The following ELAPOR2 variants were observed in gnomAD, a reference collection of about 807,000 sequenced individuals.
ELAPOR2 encodes the protein endosome/lysosome-associated apoptosis and autophagy regulator family member 2.
ELAPOR2 carries 89 observed loss-of-function variants against 120.7 expected under a neutral mutation model. The observed-to-expected ratio is 0.74, with a 90% confidence interval of 0.62 to 0.88. ELAPOR2 has a LOEUF of 0.88. Among genes scored for constraint, ELAPOR2 ranks in the 40% least tolerant of loss-of-function variants. ELAPOR2 has a pLI of 0.00. For synonymous variants in ELAPOR2, 444 were observed against 444.9 expected (o/e 1.00, Z 0.03); for missense variants, 1,134 against 1,251.6 (o/e 0.91, Z 1.42).
rs557839281 is a variant in ELAPOR2, at chr7:87,000,156, G to T, written c.190-35132C>A. Among the ~76,000 whole-genome samples, 9 of 151,854 alleles carry T rather than the reference G, an allele frequency of 5.9e-5. No individual in the cohort carries two copies. The East Asian group carries it at 1.7e-3, about 29-fold the overall frequency. Reference sequence around the variant, plus strand: ...TTTGTGAAACTATCCTGGTTAATACGCATCATTCCTCTTTCTTAGGAAAGG... The same window carrying T: ...TTTGTGAAACTATCCTGGTTAATACTCATCATTCCTCTTTCTTAGGAAAGG... On this transcript the variant is annotated intron_variant, in intron 1 of 21. Transcript: ENST00000450689.
chr7:86,993,216 C>G (rs1200151006), intron 1 of ELAPOR2, among the ~76,000 whole-genome samples: 1 of 117,340 alleles, frequency 8.5e-6, no homozygotes, highest in Non-Finnish European at 1.6e-5. Flanking sequence ...AGCCTGATGA[C>G]AGAGCGAGAC....
chr7:86,972,940 ACT>A (rs1321785136), intron 1 of ELAPOR2, among the ~76,000 whole-genome samples: 1 of 152,026 alleles, frequency 6.6e-6, no homozygotes, highest in Non-Finnish European at 1.5e-5. Flanking sequence ...CATTTGCATA[ACT>A]CTGTAAGCTT....
intron 1 of ELAPOR2, among the ~76,000 whole-genome samples, chr7:86,973,502 A>G (rs1217940617): frequency 2.0e-5 from 3 of 152,140 alleles, no homozygotes; most frequent in Non-Finnish European, 4.4e-5. Flanking sequence ...TGCAGGACCA[A>G]GGCCAGGAGC....
At chr7:87,046,539 A>C (rs1043135943) in intron 1 of ELAPOR2, among the ~76,000 whole-genome samples, 1 of 152,212 alleles carries the variant, frequency 6.6e-6, no homozygotes, top group Non-Finnish European at 1.5e-5. Context: ...CTCATTTCAA[A>C]TTATAATCCC....
At chr7:87,025,755 A>G (rs768154443) in intron 1 of ELAPOR2, among the ~76,000 whole-genome samples, 3 of 152,196 alleles carry the variant, frequency 2.0e-5, no homozygotes, top group Non-Finnish European at 2.9e-5. Context: ...AAATAATTTT[A>G]CTAAATTTAA....
chr7:86,965,053 G>C, intron 1 of ELAPOR2, 29 bp from the exon 2 acceptor site: 1 of 1,551,010 alleles, frequency 6.4e-7, no homozygotes, highest in Non-Finnish European at 8.7e-7. Context: ...ACAAGCCTTT[G>C]TTAGAGCCAG....
chr7:86,891,706 T>A lies in ELAPOR2; in HGVS notation c.3030+18A>T, dbSNP rs779311959. 1.9e-6 allele frequency: 3 copies of A among 1,600,304 alleles called. No homozygotes were observed. In the South Asian group the frequency reaches 3.4e-5, roughly 18 times the overall value. On this transcript the variant is annotated intron_variant, in intron 21 of 21. Transcript: ENST00000450689. ...TTTATAAACACCCAGTAACACCAGG[T>A]TAAAATTCTACTCTCACCTTGGTTG... is the stretch of plus-strand genomic sequence containing the variant.
At chr7:86,913,737 C>T (rs1237886823) in intron 13 of ELAPOR2, among the ~76,000 whole-genome samples, 1 of 152,170 alleles carries the variant, frequency 6.6e-6, no homozygotes, top group African/African-American at 2.4e-5. Flanking sequence ...CCAGTCCTTT[C>T]CCTAATCAAC....
chr7:86,997,540 T>A (rs1057269819), intron 1 of ELAPOR2, among the ~76,000 whole-genome samples: 3 of 152,168 alleles, frequency 2.0e-5, no homozygotes, highest in African/African-American at 7.2e-5. Context: ...TTTAAAAAAA[T>A]TTAGGCAGAA....
intron 1 of ELAPOR2, among the ~76,000 whole-genome samples, chr7:87,041,312 C>T (rs1168968873): frequency 6.6e-6 from 1 of 151,974 alleles, no homozygotes; most frequent in Non-Finnish European, 1.5e-5. Context: ...ACATAATTGT[C>T]AGATTCACCA....
chr7:86,982,814 A>G (rs1165678678), intron 1 of ELAPOR2, among the ~76,000 whole-genome samples: 1 of 152,230 alleles, frequency 6.6e-6, no homozygotes, highest in Non-Finnish European at 1.5e-5. Flanking sequence ...CAGCAACAGA[A>G]TAAATCTGGA....
chr7:87,043,866 G>T (rs867871210), intron 1 of ELAPOR2, among the ~76,000 whole-genome samples: 11 of 151,936 alleles, frequency 7.2e-5, no homozygotes, highest in South Asian at 2.1e-4. Context: ...AAACCCCATT[G>T]TCTCAGCCCA....
chr7:86,942,814 T>C (rs1311943749), intron 4 of ELAPOR2, among the ~76,000 whole-genome samples: 1 of 152,006 alleles, frequency 6.6e-6, no homozygotes, highest in South Asian at 2.1e-4. Flanking sequence ...CTTTCCAATA[T>C]TGCAAAACAG....
intron 1 of ELAPOR2, among the ~76,000 whole-genome samples, chr7:86,988,396 A>C (rs1402358199): frequency 6.6e-6 from 1 of 152,230 alleles, no homozygotes; most frequent in Non-Finnish European, 1.5e-5. Context: ...AAAAAATGCA[A>C]ATAAATAAAT....
At chr7:87,020,141 G>GTATATTTTT (rs1452091542) in intron 1 of ELAPOR2, among the ~76,000 whole-genome samples, 5 of 152,010 alleles carry the variant, frequency 3.3e-5, no homozygotes, top group African/African-American at 1.2e-4. Context: ...ACACAGCTAT[G>GTATATTTTT]GGTTTTAATA....
chr7:86,990,972 T>C (rs1446591137), intron 1 of ELAPOR2, among the ~76,000 whole-genome samples: 2 of 152,224 alleles, frequency 1.3e-5, no homozygotes, highest in East Asian at 3.8e-4. Flanking sequence ...GTTGTTCCTT[T>C]AATCTATATG....
At chr7:86,941,824 T>C (rs946448082) in intron 5 of ELAPOR2, among the ~76,000 whole-genome samples, 194 bp downstream of exon 5, 9 of 151,798 alleles carry the variant, frequency 5.9e-5, no homozygotes, top group African/African-American at 1.9e-4. Flanking sequence ...GAAAGCTGAG[T>C]CCATGAAGCT....
chr7:87,020,554 C>T (rs1794005904), intron 1 of ELAPOR2, among the ~76,000 whole-genome samples: 1 of 151,932 alleles, frequency 6.6e-6, no homozygotes, highest in African/African-American at 2.4e-5. Flanking sequence ...TTATATGTAA[C>T]GTCCAGAATA....
chr7:86,997,497 A>G (rs1456793131), intron 1 of ELAPOR2, among the ~76,000 whole-genome samples: 1 of 152,232 alleles, frequency 6.6e-6, no homozygotes, highest in African/African-American at 2.4e-5. Context: ...GTAATATTAG[A>G]TAAGCATTAC....
Sources: allele counts gnomAD v4.1 joint callset (sites outside exome capture counted in the v4.1 genomes callset), GRCh38; gene constraint gnomAD v4.1.1; transcripts MANE v1.5; gene names NCBI Gene and HGNC (gene_info 2026-07-23, HGNC 2026-07-21).